IQSEC3: variants seen among roughly 807,000 people sequenced by gnomAD.
The protein encoded by IQSEC3 is IQ motif and SEC7 domain-containing protein 3.
Under a neutral mutation model 105.4 loss-of-function variants are expected in IQSEC3, and 50 were observed. The observed-to-expected ratio is 0.47, with a 90% confidence interval of 0.38 to 0.60. The LOEUF (loss-of-function observed/expected upper bound fraction) is 0.60. Ranked by LOEUF, IQSEC3 falls within the 20% of genes least tolerant of loss-of-function variation. The probability of loss-of-function intolerance (pLI) is 0.00; values close to 1 mark genes in which losing one functional copy is unlikely to be tolerated. For missense variants in IQSEC3, 1,415 were observed against 1,630.0 expected (o/e 0.87, Z 2.27); for synonymous variants, 708 against 746.0 (o/e 0.95, Z 0.83).
chr12:127,526 A>G (rs1865455902), intron 3 of IQSEC3, among the ~76,000 whole-genome samples: 1 of 152,030 alleles, frequency 6.6e-6, no homozygotes, highest in African/African-American at 2.4e-5. Context: ...AAAACAAAAC[A>G]AAACAAAACA....
intron 1 of IQSEC3, among the ~76,000 whole-genome samples, chr12:68,847 G>T (rs1346316090): frequency 6.6e-6 from 1 of 152,248 alleles, no homozygotes; most frequent in Non-Finnish European, 1.5e-5. Flanking sequence ...AAAACCACAG[G>T]ATCTAAGAGG....
chr12:138,254 C>T lies in IQSEC3; in HGVS notation c.904-13C>T, dbSNP rs1368872951. On this transcript the variant is annotated splice_polypyrimidine_tract_variant and intron_variant, in intron 3 of 13. Transcript: ENST00000538872. The surrounding 1 kb of genome is among the most constrained non-coding windows in gnomAD (Gnocchi z 7.1). ...CTCTGAGCCCTTCCTCCTCTCTGTC[C>T]TCGTCCTTGCAGATTGAAATGCTAG... is the stretch of plus-strand genomic sequence containing the variant. 5 of 1,601,416 alleles carry T rather than the reference C, an allele frequency of 3.1e-6. No homozygotes were observed. Among genetic ancestry groups the T allele is most frequent in the Non-Finnish European group, 4.3e-6 (5 of 1,171,810 alleles).
At chr12:143,618 GCAGGGCAGTGCTGGGGTGCCAGCGT>G (rs1555089994) in intron 5 of IQSEC3, 1 of 152,038 alleles carries the variant, frequency 6.6e-6, no homozygotes, top group East Asian at 1.9e-4. Flanking sequence ...CAGAGTTCAT[GCAGGGCAGTGCTGGGGTGCCAGCGT>G]TCATGCAGGG....
chr12:139,593 C>G (rs930568281), intron 4 of IQSEC3: 1 of 426,904 alleles, frequency 2.3e-6, no homozygotes, highest in Non-Finnish European at 4.1e-6. Context: ...AATAACACAT[C>G]AGACACATGC....
intron 1 of IQSEC3, among the ~76,000 whole-genome samples, chr12:96,948 C>T (rs1390196326): frequency 6.6e-6 from 1 of 152,240 alleles, no homozygotes; most frequent in Non-Finnish European, 1.5e-5. Context: ...CCTCTCTCCA[C>T]AGCCTCACCA....
rs191109465 is a variant in IQSEC3 at position 112,045 on chromosome 12, G to A, written c.623+12831G>A. Among the ~76,000 whole-genome samples the A allele has an allele frequency of 1.7e-4, 26 of 152,190 alleles. No homozygotes were observed. In the East Asian group the frequency reaches 3.7e-3, roughly 21 times the overall value. Reference sequence around the variant, plus strand: ...GAGTATTATGGGTTACAATCTTCCCGGATGATGCCTGTTCATTGCTGGGCA... The same window carrying A: ...GAGTATTATGGGTTACAATCTTCCCAGATGATGCCTGTTCATTGCTGGGCA... On this transcript the variant is annotated intron_variant, in intron 2 of 13. Transcript: ENST00000538872.
intron 11 of IQSEC3, chr12:167,204 C>T (rs1555098759): frequency 6.6e-6 from 1 of 152,182 alleles, no homozygotes; most frequent in Admixed American, 6.5e-5. Context: ...GCCGCCTCTG[C>T]TGTTTTTCTG....
chr12:69,106 A>G (rs1227618190), intron 1 of IQSEC3, among the ~76,000 whole-genome samples: 2 of 152,116 alleles, frequency 1.3e-5, no homozygotes, highest in Admixed American at 1.3e-4. Context: ...GAGGGGATGA[A>G]TTTTTCCAGT....
At chr12:124,774 G>C (rs1461818574) in intron 2 of IQSEC3, among the ~76,000 whole-genome samples, 1 of 152,198 alleles carries the variant, frequency 6.6e-6, no homozygotes, top group African/African-American at 2.4e-5. Context: ...AGAACTTGGA[G>C]GCTAGTGGGG....
At chr12:92,177 C>T (rs1864108983) in intron 1 of IQSEC3, among the ~76,000 whole-genome samples, 1 of 152,200 alleles carries the variant, frequency 6.6e-6, no homozygotes, top group African/African-American at 2.4e-5. Context: ...CTGAATTCTG[C>T]TTCAAGCCAT....
chr12:98,095 G>A (rs1343671064), intron 1 of IQSEC3, among the ~76,000 whole-genome samples: 4 of 152,208 alleles, frequency 2.6e-5, no homozygotes, highest in Non-Finnish European at 5.9e-5. Flanking sequence ...ATGATCTCTG[G>A]GGGCCCTTCC....
chr12:135,431 G>A (rs1423087913), intron 3 of IQSEC3, among the ~76,000 whole-genome samples: 1 of 152,252 alleles, frequency 6.6e-6, no homozygotes, highest in Admixed American at 6.5e-5. Context: ...GTCATACCTA[G>A]TAAAGATCAA....
rs578247865 is a variant in IQSEC3, at chr12:106,046, C to T, written c.623+6832C>T. Among the ~76,000 whole-genome samples the T allele has an allele frequency of 1.3e-3, 191 of 152,330 alleles. 1 individual carries two copies. Among genetic ancestry groups the T allele is most frequent in the African/African-American group, 4.2e-3 (175 of 41,574 alleles). On this transcript the variant is annotated intron_variant, in intron 2 of 13. Transcript: ENST00000538872. ...CTGTGTCGGTTTTGTGTCTCCCACC[C>T]ATGAGAGAGAGGAAGCAAATACTAG...
chr12:99,327 G>A, intron 2 of IQSEC3, 113 bp downstream of exon 2: 1 of 990,294 alleles, frequency 1.0e-6, no homozygotes, highest in Non-Finnish European at 1.5e-6. Flanking sequence ...CTCATGTGGG[G>A]TAATTTGTTT....
At chr12:146,903 C>T (rs1284969759) in intron 5 of IQSEC3, among the ~76,000 whole-genome samples, 1 of 152,154 alleles carries the variant, frequency 6.6e-6, no homozygotes, top group African/African-American at 2.4e-5. Flanking sequence ...CTTCACCTCT[C>T]CACTCTCTCC....
At chr12:90,884 G>C (rs187219832) in intron 1 of IQSEC3, among the ~76,000 whole-genome samples, 188 of 152,242 alleles carry the variant, frequency 1.2e-3, no homozygotes, top group Admixed American at 3.4e-3. Flanking sequence ...AATAGAAAAG[G>C]CTCTTTGGAG....
rs756749343 is a variant in IQSEC3 at position 174,853 on chromosome 12, G to C, written c.3369G>C (p.Ser1123=). Residue 1123 remains serine (S), a synonymous_variant, in exon 14 of 14, where the codon TCG becomes TCC. Coordinates refer to ENST00000538872, the MANE Select transcript of IQSEC3 (RefSeq NM_001170738.2). ...LLSQALSCYT[S]SSSDSCGSTP... ...GCCAGGCTCTCTCCTGCTACACCTC[G>C]TCGTCCTCTGACTCCTGCGGCTCCA... 1.3e-6 allele frequency: 2 copies of C among 1,579,238 alleles called. No individual in the cohort carries two copies. The highest frequency in any genetic ancestry group is 1.7e-5 in the Admixed American group (1 of 57,730).
intron 1 of IQSEC3, among the ~76,000 whole-genome samples, chr12:91,759 C>T (rs760837400): frequency 5.9e-5 from 9 of 151,888 alleles, no homozygotes; most frequent in Admixed American, 4.6e-4. Context: ...CCAGGCTGGG[C>T]GATGGAGTGA....
chr12:129,924 T>G (rs1865534409), intron 3 of IQSEC3, among the ~76,000 whole-genome samples: 1 of 152,036 alleles, frequency 6.6e-6, no homozygotes, highest in Non-Finnish European at 1.5e-5. Flanking sequence ...CTTTCCCTCT[T>G]TGCATCTTGG....
Sources: allele counts gnomAD v4.1 joint callset (sites outside exome capture counted in the v4.1 genomes callset), GRCh38; gene constraint gnomAD v4.1.1; non-coding constraint Gnocchi (gnomAD v3.1); transcripts MANE v1.5; gene names NCBI Gene and HGNC (gene_info 2026-07-23, HGNC 2026-07-21).